SLC9A3: variants seen among roughly 807,000 people sequenced by gnomAD.
SLC9A3 encodes solute carrier family 9 member A3.
SLC9A3 carries 37 observed loss-of-function variants against 86.8 expected under a neutral mutation model. That is an observed-to-expected ratio of 0.43 (90% CI 0.33 to 0.56). The LOEUF is 0.56. Among genes scored for constraint, SLC9A3 ranks in the 20% least tolerant of loss-of-function variants. SLC9A3 has a pLI of 0.06. For synonymous variants in SLC9A3, 581 were observed against 528.3 expected, an observed-to-expected ratio of 1.10 and a Z score of -1.37; for missense variants, 1,011 against 1,171.9, an observed-to-expected ratio of 0.86 and a Z score of 2.00.
intron 1 of SLC9A3, 121 bp downstream of exon 1, chr5:523,991 C>T (rs1029826632): frequency 1.0e-4 from 54 of 532,228 alleles, no homozygotes; most frequent in African/African-American, 9.8e-4. Flanking sequence ...GAGAGCCGGA[C>T]TCTCCCGGGC....
intron 1 of SLC9A3, among the ~76,000 whole-genome samples, chr5:507,586 G>A (rs1288569980): frequency 6.6e-6 from 1 of 151,556 alleles, no homozygotes; most frequent in East Asian, 1.9e-4. Context: ...AAAGACACTG[G>A]CACCCCATCC....
chr5:516,833 AAAG>A (rs1292020386), intron 1 of SLC9A3, among the ~76,000 whole-genome samples: 4 of 152,218 alleles, frequency 2.6e-5, no homozygotes. Flanking sequence ...CGGCGCCTCT[AAAG>A]CCATTGTCAT....
chr5:479,739 G>A (rs1739033203), intron 10 of SLC9A3, 97 bp downstream of exon 10: 11 of 1,310,008 alleles, frequency 8.4e-6, no homozygotes, highest in South Asian at 2.4e-5. Context: ...GCCTTGGGAC[G>A]CGGGTGCAGG....
intron 3 of SLC9A3, among the ~76,000 whole-genome samples, chr5:487,947 C>T (rs1044346729): frequency 6.6e-6 from 1 of 152,126 alleles, no homozygotes; most frequent in Non-Finnish European, 1.5e-5. Flanking sequence ...GGATTACAGG[C>T]GTGAGCCACC....
intron 1 of SLC9A3, among the ~76,000 whole-genome samples, chr5:510,556 G>A (rs1740831874): frequency 6.6e-6 from 1 of 152,230 alleles, no homozygotes; most frequent in African/African-American, 2.4e-5. Flanking sequence ...AAAGCTAACA[G>A]AGGAAAAGAT....
At chr5:482,943 C>T (rs1050042365) in intron 6 of SLC9A3, among the ~76,000 whole-genome samples, 193 bp from the exon 7 acceptor site, 8 of 151,748 alleles carry the variant, frequency 5.3e-5, no homozygotes, top group East Asian at 1.9e-4. Flanking sequence ...GTCTCCCCCC[C>T]ACGCTCCGTG....
chr5:502,380 A>G (rs1740318703), intron 1 of SLC9A3, among the ~76,000 whole-genome samples: 1 of 152,184 alleles, frequency 6.6e-6, no homozygotes, highest in Non-Finnish European at 1.5e-5. Context: ...AAAGACCTGG[A>G]TGCAGATCCC....
At chr5:498,468 C>A (rs548946525) in intron 1 of SLC9A3, among the ~76,000 whole-genome samples, 1 of 152,316 alleles carries the variant, frequency 6.6e-6, no homozygotes, top group East Asian at 1.9e-4. Context: ...AGCGGCACCA[C>A]CTCGGCTCAC....
At chr5:511,125 TC>T (rs1740853036) in intron 1 of SLC9A3, among the ~76,000 whole-genome samples, 2 of 152,164 alleles carry the variant, frequency 1.3e-5, no homozygotes, top group African/African-American at 4.8e-5. Flanking sequence ...AGCACTTTGG[TC>T]CCACTGGCCT....
chr5:490,461 G>A (rs953235450), intron 2 of SLC9A3, among the ~76,000 whole-genome samples: 7 of 152,330 alleles, frequency 4.6e-5, no homozygotes, highest in Admixed American at 2.0e-4. Flanking sequence ...ATTCTGCTTC[G>A]TGCAAGGGAA....
chr5:498,161 CG>C (rs1416343573), intron 1 of SLC9A3, among the ~76,000 whole-genome samples: 2 of 152,198 alleles, frequency 1.3e-5, no homozygotes, highest in Non-Finnish European at 2.9e-5. Flanking sequence ...CCTGCTACTT[CG>C]GGGCCACGTC....
At position 474,937 on chromosome 5, in the gene SLC9A3, T is replaced by C. The variant is rs1738617375; in HGVS notation, c.2447A>G (p.Gln816Arg). Residue 816 changes from glutamine (Q) to arginine (R), a missense_variant, in exon 16 of 17, where the codon CAG (glutamine) becomes CGG (arginine). Transcript: ENST00000264938. ...GGGCCGCTCCTCGGGGCCGTCTGCC[T>C]GCAGGAAGGAGTCCACGGACTTGCT... is the stretch of plus-strand genomic sequence containing the variant. ...LSSKSVDSFLQADGPEERPPA... is the reference protein window; with the variant it reads ...LSSKSVDSFLRADGPEERPPA... 1.2e-6 allele frequency: 2 copies of C among 1,605,924 alleles called. No homozygotes were observed. Among genetic ancestry groups the C allele is most frequent in the Non-Finnish European group, 1.7e-6 (2 of 1,177,248 alleles).
At position 483,694 on chromosome 5, in the gene SLC9A3, A is replaced by G. The variant is rs148691177; in HGVS notation, c.933-212T>C. The stretch of plus-strand genomic sequence containing the variant: ...AGGCGGCATCACCGTCATGCAGATA[A>G]TGGGCACCGGGGCTGCCTGCCAGCA... On this transcript the variant is annotated intron_variant, in intron 5 of 16. Coordinates refer to ENST00000264938, the MANE Select transcript of SLC9A3 (RefSeq NM_004174.4). Among the ~76,000 whole-genome samples, 392 of 152,340 alleles carry G rather than the reference A, an allele frequency of 2.6e-3. 1 individual carries two copies. Among genetic ancestry groups the G allele is most frequent in the African/African-American group, 9.0e-3 (373 of 41,582 alleles).
At chr5:513,985 C>T (rs992392639) in intron 1 of SLC9A3, among the ~76,000 whole-genome samples, 6 of 152,264 alleles carry the variant, frequency 3.9e-5, no homozygotes, top group Non-Finnish European at 8.8e-5. Context: ...CGAGCCAGTT[C>T]CGCCTGAAGA....
rs1450214605 is a variant in SLC9A3, at chr5:496,692, C to T, written c.212-4621G>A. Among the ~76,000 whole-genome samples, 1 of 152,082 alleles carries T rather than the reference C, an allele frequency of 6.6e-6. No homozygotes were observed. Among genetic ancestry groups the T allele is most frequent in the African/African-American group, 2.4e-5 (1 of 41,402 alleles). ...AGTTTTGTGTTATACTTAACAAAGC[C>T]ATTCCTGCTCATGTTTCCTGCTAAA... On this transcript the variant is annotated intron_variant, in intron 1 of 16. Transcript: ENST00000264938. The surrounding 1 kb of genome is among the most constrained non-coding windows in gnomAD (Gnocchi z 4.7).
At chr5:515,188 C>T (rs1380163490) in intron 1 of SLC9A3, among the ~76,000 whole-genome samples, 1 of 152,114 alleles carries the variant, frequency 6.6e-6, no homozygotes. Flanking sequence ...TGCCATCAGC[C>T]TGGAGTCTCT....
At chr5:520,560 G>A (rs900691395) in intron 1 of SLC9A3, among the ~76,000 whole-genome samples, 7 of 152,070 alleles carry the variant, frequency 4.6e-5, no homozygotes, top group African/African-American at 1.4e-4. Flanking sequence ...GAATCTCCCC[G>A]GTGCCATTCT....
intron 1 of SLC9A3, among the ~76,000 whole-genome samples, chr5:501,428 C>T (rs1296532139): frequency 6.6e-6 from 1 of 152,218 alleles, no homozygotes; most frequent in Non-Finnish European, 1.5e-5. Flanking sequence ...CAGAAACAGC[C>T]TGGCTGAGCG....
chr5:481,374 G>A (rs886717625), intron 9 of SLC9A3, among the ~76,000 whole-genome samples, 191 bp downstream of exon 9: 10 of 152,180 alleles, frequency 6.6e-5, no homozygotes, highest in Non-Finnish European at 1.3e-4. Flanking sequence ...CCCAACTGCT[G>A]CCGCCAACTC....
Sources: allele counts gnomAD v4.1 joint callset (sites outside exome capture counted in the v4.1 genomes callset), GRCh38; gene constraint gnomAD v4.1.1; non-coding constraint Gnocchi (gnomAD v3.1); transcripts MANE v1.5; gene names NCBI Gene and HGNC (gene_info 2026-07-23, HGNC 2026-07-21).